The following SYT14 variants were observed in gnomAD, a reference collection of about 807,000 sequenced individuals.
The protein encoded by SYT14 is synaptotagmin-14.
A neutral mutation model predicts 74.2 loss-of-function variants in SYT14; 32 were observed. That is an observed-to-expected ratio of 0.43 (90% CI 0.33 to 0.58). The LOEUF (loss-of-function observed/expected upper bound fraction) is 0.58. SYT14 is among the 20% of genes least tolerant of loss of function. The pLI is 0.05. For synonymous variants in SYT14, 298 were observed against 337.7 expected, an observed-to-expected ratio of 0.88 and a Z score of 1.29; for missense variants, 791 against 981.8, an observed-to-expected ratio of 0.81 and a Z score of 2.60.
intron 6 of SYT14, among the ~76,000 whole-genome samples, chr1:210,097,278 A>T (rs1272180505): frequency 3.3e-5 from 5 of 152,216 alleles, no homozygotes; most frequent in African/African-American, 4.8e-5. Context: ...GAGCCTATCT[A>T]CATACATGAT....
intron 5 of SYT14, among the ~76,000 whole-genome samples, chr1:210,047,249 G>C (rs1217561468): frequency 6.6e-6 from 1 of 152,062 alleles, no homozygotes; most frequent in Non-Finnish European, 1.5e-5. Flanking sequence ...CTGTCAAAGA[G>C]TATGGCACAT....
At chr1:210,059,451 T>TATATAGAGAGAGAGAGAGAGAGAG (rs377050610) in intron 5 of SYT14, among the ~76,000 whole-genome samples, 1 of 69,890 alleles carries the variant, frequency 1.4e-5, no homozygotes, top group African/African-American at 7.9e-5. Context: ...TATATATATA[T>TATATAGAGAGAGAGAGAGAGAGAG]AGAGAGAGAG....
chr1:210,050,490 C>T (rs1240741781), intron 5 of SYT14, among the ~76,000 whole-genome samples: 2 of 152,204 alleles, frequency 1.3e-5, no homozygotes, highest in Admixed American at 6.5e-5. Flanking sequence ...TTACCCAGTT[C>T]TAAAGTTGCT....
At chr1:209,950,763 T>C (rs1029691588) in intron 1 of SYT14, among the ~76,000 whole-genome samples, 2 of 152,178 alleles carry the variant, frequency 1.3e-5, no homozygotes, top group African/African-American at 4.8e-5. Flanking sequence ...GTTATTTCTG[T>C]AGGATATTTC....
chr1:210,098,523 G>T (rs1166489364), intron 6 of SYT14, among the ~76,000 whole-genome samples: 1 of 152,074 alleles, frequency 6.6e-6, no homozygotes, highest in African/African-American at 2.4e-5. Context: ...ATATCTGCTT[G>T]TGAGAAGAGT....
intron 2 of SYT14, among the ~76,000 whole-genome samples, chr1:209,999,899 G>A (rs553472704): frequency 2.0e-5 from 3 of 152,230 alleles, no homozygotes; most frequent in African/African-American, 7.2e-5. Flanking sequence ...TAGAAGAGAG[G>A]ACTTGAAATG....
chr1:210,137,903 A>G (rs546700830), intron 7 of SYT14, among the ~76,000 whole-genome samples: 1 of 152,020 alleles, frequency 6.6e-6, no homozygotes, highest in Admixed American at 6.5e-5. Flanking sequence ...CTGGTCTCAA[A>G]CTCCTGACTT....
intron 7 of SYT14, among the ~76,000 whole-genome samples, chr1:210,155,082 T>TTATTA (rs1362721020): frequency 6.6e-6 from 1 of 152,206 alleles, no homozygotes; most frequent in Non-Finnish European, 1.5e-5. Flanking sequence ...TGAGTCCATG[T>TTATTA]TATTAAATGC....
intron 7 of SYT14, among the ~76,000 whole-genome samples, chr1:210,143,093 T>C (rs2082953476): frequency 6.6e-6 from 1 of 152,168 alleles, no homozygotes; most frequent in South Asian, 2.1e-4. Flanking sequence ...AGAGGAGTTT[T>C]AGTAGTAAGG....
intron 5 of SYT14, among the ~76,000 whole-genome samples, chr1:210,078,166 C>T (rs77572506): frequency 1.6e-4 from 24 of 151,520 alleles, no homozygotes; most frequent in Admixed American, 9.2e-4. Context: ...AAAAATTAGC[C>T]GGGCGTGGTA....
chr1:210,156,936 C>T (rs1482686102), intron 8 of SYT14: 2 of 325,932 alleles, frequency 6.1e-6, no homozygotes, highest in East Asian at 9.1e-5. Flanking sequence ...TCAGGTGATC[C>T]ATCCACTTCG....
At chr1:209,958,436 T>C (rs2079026546) in intron 2 of SYT14, among the ~76,000 whole-genome samples, 2 of 152,186 alleles carry the variant, frequency 1.3e-5, no homozygotes, top group African/African-American at 4.8e-5. Flanking sequence ...AAAGCCTTTT[T>C]GGAATTTTAA....
intron 7 of SYT14, among the ~76,000 whole-genome samples, chr1:210,146,753 A>C (rs972607260): frequency 6.6e-6 from 1 of 151,246 alleles, no homozygotes; most frequent in African/African-American, 2.4e-5. Flanking sequence ...TACATACTAT[A>C]TGTTATATAT....
intron 2 of SYT14, among the ~76,000 whole-genome samples, chr1:209,975,665 C>T (rs1252361830): frequency 6.6e-6 from 1 of 152,056 alleles, no homozygotes; most frequent in African/African-American, 2.4e-5. Flanking sequence ...CTAAAATTCT[C>T]TTTTTTGGTT....
At chr1:210,102,053 G>A (rs1265709071) in intron 7 of SYT14, among the ~76,000 whole-genome samples, 2 of 152,144 alleles carry the variant, frequency 1.3e-5, no homozygotes, top group Non-Finnish European at 2.9e-5. Context: ...AATAATTTCT[G>A]AGGAAAAAGT....
intron 2 of SYT14, among the ~76,000 whole-genome samples, chr1:209,982,413 C>G (rs2079502862): frequency 6.6e-6 from 1 of 152,180 alleles, no homozygotes; most frequent in Admixed American, 6.5e-5. Context: ...GCCTCAGCCT[C>G]CCAAGATGCT....
exon 10 of SYT14, chr1:210,164,202 C>T (rs2083430260): frequency 2.9e-6 from 1 of 342,532 alleles, no homozygotes; most frequent in Non-Finnish European, 5.8e-6. Flanking sequence ...GTTTGAAATC[C>T]ATTTGCATAT....
chr1:210,103,443 G>A lies in SYT14; in HGVS notation c.2034+2982G>A, dbSNP rs933740801. ...CAGGTGCCTGTAGTCCCAGCTACTC[G>A]GGAGGCTGAGACAGGAGAATGGTGT... On this transcript the variant is annotated intron_variant, in intron 7 of 9. Transcript: ENST00000637265. Among the ~76,000 whole-genome samples, 5 of 151,468 alleles carry A rather than the reference G, an allele frequency of 3.3e-5. No individual in the cohort carries two copies. The East Asian group carries it at 7.8e-4, about 24-fold the overall frequency.
chr1:210,071,726 A>G (rs1051936150), intron 5 of SYT14, among the ~76,000 whole-genome samples: 10 of 151,872 alleles, frequency 6.6e-5, no homozygotes, highest in Non-Finnish European at 1.5e-5. Flanking sequence ...CTAAGAAAGA[A>G]GAAAGTAGGG....
Sources: gnomAD v4.1 joint callset for allele counts (sites outside exome capture counted in the v4.1 genomes callset) on GRCh38, gnomAD v4.1.1 for gene constraint, MANE v1.5 for transcripts, NCBI Gene and HGNC (gene_info 2026-07-23, HGNC 2026-07-21) for gene names.